PCSK5: variants seen among roughly 807,000 people sequenced by gnomAD.
PCSK5 encodes the protein prohormone convertase 5.
In PCSK5, 129 loss-of-function variants were observed where a neutral mutation model predicts 233.2. The ratio of observed to expected loss-of-function variants is 0.55; its 90% CI spans 0.48 to 0.64. The LOEUF (loss-of-function observed/expected upper bound fraction) is 0.64, where lower values mean the gene tolerates loss of function less well. PCSK5 is among the 30% of genes least tolerant of loss of function. PCSK5 has a pLI of 0.00. For synonymous variants in PCSK5, 825 were observed against 879.2 expected, an observed-to-expected ratio of 0.94 and a Z score of 1.09; for missense variants, 2,076 against 2,430.1, an observed-to-expected ratio of 0.85 and a Z score of 3.06.
intron 24 of PCSK5, among the ~76,000 whole-genome samples, chr9:76,284,051 G>A (rs138622131): frequency 6.0e-4 from 91 of 152,140 alleles, no homozygotes; most frequent in Middle Eastern, 3.4e-3. Context: ...TGTAGCATTT[G>A]GTTAGGTGTG....
chr9:76,165,295 G>A (rs1823043291), intron 12 of PCSK5, among the ~76,000 whole-genome samples: 1 of 152,126 alleles, frequency 6.6e-6, no homozygotes, highest in African/African-American at 2.4e-5. Flanking sequence ...GAATAGTAGT[G>A]GATGATTCTG....
intron 24 of PCSK5, among the ~76,000 whole-genome samples, chr9:76,260,289 T>C (rs182257573): frequency 6.4e-4 from 98 of 152,294 alleles, no homozygotes; most frequent in African/African-American, 2.2e-3. Flanking sequence ...AAGATGTCCA[T>C]GCTCAAATCC....
intron 24 of PCSK5, among the ~76,000 whole-genome samples, chr9:76,269,301 T>A (rs886522407): frequency 2.6e-5 from 4 of 152,248 alleles, no homozygotes; most frequent in Non-Finnish European, 5.9e-5. Context: ...TCTTTGTGTG[T>A]TGTTTAGAAC....
chr9:76,253,446 C>T lies in PCSK5; in HGVS notation c.3142+12762C>T, dbSNP rs188162873. Among the ~76,000 whole-genome samples, 279 of 152,262 alleles carry T rather than the reference C, an allele frequency of 1.8e-3. 1 individual carries two copies. Among genetic ancestry groups the T allele is most frequent in the Non-Finnish European group, 3.1e-3 (212 of 68,022 alleles). ...CCCCCTCATTGTCTAAATGATACCT[C>T]ATTTCACAGATGGGTACTAAGAAGA... On this transcript the variant is annotated intron_variant, in intron 24 of 37. Transcript: ENST00000674117.
chr9:76,013,681 A>G (rs1827826664), intron 3 of PCSK5, among the ~76,000 whole-genome samples: 1 of 152,230 alleles, frequency 6.6e-6, no homozygotes, highest in Non-Finnish European at 1.5e-5. Context: ...TGCAGAATGA[A>G]TGAAGGTTTG....
chr9:76,297,915 C>T (rs545689560), intron 27 of PCSK5, among the ~76,000 whole-genome samples: 1 of 152,150 alleles, frequency 6.6e-6, no homozygotes, highest in South Asian at 2.1e-4. Context: ...AGCTCAGAGA[C>T]CGTGGAAAGC....
At chr9:76,066,980 C>T (rs1430884128) in intron 5 of PCSK5, among the ~76,000 whole-genome samples, 2 of 152,182 alleles carry the variant, frequency 1.3e-5, no homozygotes, top group Non-Finnish European at 2.9e-5. Flanking sequence ...TTAGCAATGA[C>T]AGATAAACCA....
chr9:76,158,361 G>A (rs1822697449), intron 11 of PCSK5, among the ~76,000 whole-genome samples: 1 of 152,190 alleles, frequency 6.6e-6, no homozygotes, highest in Non-Finnish European at 1.5e-5. Context: ...GCAGAGTAGT[G>A]TGTGCAAAGT....
chr9:75,953,159 T>A (rs1824941246), intron 2 of PCSK5, among the ~76,000 whole-genome samples: 2 of 152,176 alleles, frequency 1.3e-5, no homozygotes, highest in Admixed American at 1.3e-4. Context: ...TTTTCTCAAA[T>A]GGACTTGGGA....
intron 2 of PCSK5, among the ~76,000 whole-genome samples, chr9:75,938,810 T>C (rs1824174180): frequency 6.6e-6 from 1 of 152,210 alleles, no homozygotes; most frequent in South Asian, 2.1e-4. Context: ...GGCAGGTCTC[T>C]TTCCTTTATC....
At chr9:76,078,993 A>C (rs1830737037) in intron 7 of PCSK5, among the ~76,000 whole-genome samples, 2 of 151,886 alleles carry the variant, frequency 1.3e-5, no homozygotes, top group Admixed American at 6.6e-5. Context: ...GTCATCTCTG[A>C]TTTCTTTTAG....
chr9:76,352,829 C>T (rs976707182), intron 36 of PCSK5, among the ~76,000 whole-genome samples: 2 of 151,246 alleles, frequency 1.3e-5, no homozygotes, highest in African/African-American at 4.9e-5. Context: ...AGAGGTTAAA[C>T]AATTTGTTAA....
rs1829203101 is a variant in PCSK5, at chr9:76,321,526, T to C, written c.3989T>C (p.Leu1330Pro). The C allele has an allele frequency of 6.8e-6, 11 of 1,612,264 alleles. No individual in the cohort carries two copies. The highest frequency in any genetic ancestry group is 9.3e-6 in the Non-Finnish European group (11 of 1,179,286). ...NCHSCEGGHV[L>P]HHGVCQENCP... The stretch of plus-strand genomic sequence containing the variant: ...CATTCTTGTGAAGGAGGCCACGTCC[T>C]GCACCACGGAGTGTGCCAGGAAAAC... Residue 1330 changes from leucine to proline, a missense_variant, in exon 31 of 38, where the codon CTG becomes CCG. This residue lies in a region of PCSK5 where 1,510 missense variants were observed against 1,538.1 expected (regional missense o/e 0.98). Transcript: ENST00000674117.
rs71370772 is a variant in PCSK5, at chr9:75,911,201, G to GTTTTT, written c.192+19855_192+19859dup. Among the ~76,000 whole-genome samples, 98 of 48,760 alleles carry GTTTTT rather than the reference G, an allele frequency of 2.0e-3. 2 individuals are homozygous for GTTTTT. Among genetic ancestry groups the GTTTTT allele is most frequent in the African/African-American group, 3.7e-3 (44 of 11,876 alleles). 32.0% of individuals were successfully genotyped at this position (48,760 alleles called of 152,430 possible). A position where few individuals can be genotyped will look rare whatever the true frequency, so the allele number is the denominator to read the frequency against. ...TGATACATTGCGTGTGAACATATAG[G>GTTTTT]TTTTTTTTTTTTTTTTTTTTTTTTT... On this transcript the variant is annotated intron_variant, in intron 1 of 37. Transcript: ENST00000674117.
intron 12 of PCSK5, among the ~76,000 whole-genome samples, chr9:76,166,027 GA>G (rs1194167028): frequency 6.6e-6 from 1 of 152,188 alleles, no homozygotes; most frequent in African/African-American, 2.4e-5. Context: ...TACAATGGTA[GA>G]AAATAAGAAG....
chr9:76,209,521 A>G (rs779590090), intron 20 of PCSK5: 1 of 516,060 alleles, frequency 1.9e-6, no homozygotes, highest in Non-Finnish European at 3.9e-6. Context: ...TAGGCGCTCA[A>G]TAATTAGATG....
intron 2 of PCSK5, among the ~76,000 whole-genome samples, chr9:75,933,918 T>G (rs1216038229): frequency 6.6e-6 from 1 of 152,210 alleles, no homozygotes; most frequent in African/African-American, 2.4e-5. Flanking sequence ...ATGTACAAAA[T>G]CAATGTGAAT....
intron 22 of PCSK5, among the ~76,000 whole-genome samples, chr9:76,238,221 C>T (rs1047337613): frequency 5.9e-5 from 9 of 152,198 alleles, no homozygotes; most frequent in East Asian, 1.9e-4. Context: ...GTATTCCTAA[C>T]GGATTAGAAT....
At chr9:76,220,182 A>AT (rs2131299482) in intron 20 of PCSK5, among the ~76,000 whole-genome samples, 1 of 152,322 alleles carries the variant, frequency 6.6e-6, no homozygotes, top group South Asian at 2.1e-4. Flanking sequence ...TTCCTCATCC[A>AT]CAGGTTCAAT....
Sources: gnomAD v4.1 joint callset for allele counts (sites outside exome capture counted in the v4.1 genomes callset) on GRCh38, gnomAD v4.1.1 for gene constraint, gnomAD v4.1.1 regional missense constraint, MANE v1.5 for transcripts, NCBI Gene and HGNC (gene_info 2026-07-23, HGNC 2026-07-21) for gene names.